NCKAP5: variants seen among roughly 807,000 people sequenced by gnomAD.
NCKAP5 encodes the protein nck-associated protein 5.
In NCKAP5, 92 loss-of-function variants were observed where a neutral mutation model predicts 167.0. The observed-to-expected ratio is 0.55, with a 90% CI of 0.47 to 0.66. The LOEUF (loss-of-function observed/expected upper bound fraction) is 0.66, where lower values mean the gene tolerates loss of function less well. Among genes scored for constraint, NCKAP5 ranks in the 30% least tolerant of loss-of-function variants. NCKAP5 has a pLI of 0.00. For missense variants in NCKAP5, 2,378 were observed against 2,315.0 expected, an observed-to-expected ratio of 1.03 and a Z score of -0.56; for synonymous variants, 891 against 877.4, an observed-to-expected ratio of 1.02 and a Z score of -0.27.
At chr2:133,225,843 C>T (rs572202051) in intron 4 of NCKAP5, among the ~76,000 whole-genome samples, 5 of 127,808 alleles carry the variant, frequency 3.9e-5, no homozygotes, top group African/African-American at 8.9e-5. Flanking sequence ...AGTTCAGTGG[C>T]GCGATCTCGG....
intron 6 of NCKAP5, among the ~76,000 whole-genome samples, chr2:133,077,111 T>C (rs6753455): frequency 0.038 from 5,740 of 152,032 alleles, 203 homozygotes; most frequent in African/African-American, 0.094. Context: ...GAATTCAACA[T>C]GAAAAAAAAT....
chr2:133,333,440 T>C (rs544282999), intron 3 of NCKAP5, among the ~76,000 whole-genome samples: 8 of 152,314 alleles, frequency 5.3e-5, no homozygotes, highest in Admixed American at 2.6e-4. Flanking sequence ...TAATGCTCTC[T>C]GCTTTCTTCC....
Position 132,907,156 on chromosome 2 carries a change from ATATT to A in NCKAP5, c.580-28244_580-28241del, listed in dbSNP as rs369465456. Among the ~76,000 whole-genome samples the A allele has an allele frequency of 9.8e-5, 15 of 152,366 alleles. No individual in the cohort carries two copies. The East Asian group carries it at 2.9e-3, about 29-fold the overall frequency. ...CTTTTAACTTATGAATAGTGACAAA[ATATT>A]TAGAACAACATAAGGAAATACAAAT... On this transcript the variant is annotated intron_variant, in intron 8 of 19. Coordinates refer to ENST00000409261, the MANE Select transcript of NCKAP5 (RefSeq NM_207363.3).
Position 133,517,873 on chromosome 2 carries a change from C to T in NCKAP5, c.-61-286G>A, listed in dbSNP as rs139883870. 1.3e-5 allele frequency among the ~76,000 whole-genome samples: 2 copies of T among 152,226 alleles called. 1 individual carries two copies. Among genetic ancestry groups the T allele is most frequent in the East Asian group, 3.9e-4 (2 of 5,172 alleles). On this transcript the variant is annotated intron_variant, in intron 2 of 19. Transcript: ENST00000409261. ...AAAAAGCAAACAGTCCGTTTCATGC[C>T]ACACTTGCTCCACACCCGTCCTCTC...
the NCKAP5 span, among the ~76,000 whole-genome samples, chr2:133,574,859 C>A: frequency 2.0e-5 from 3 of 152,082 alleles, no homozygotes; most frequent in Non-Finnish European, 2.9e-5. Flanking sequence ...GTAGGGGCAG[C>A]CAGAGGAAAG....
chr2:133,273,240 G>T (rs1193674235), intron 4 of NCKAP5, among the ~76,000 whole-genome samples: 1 of 152,146 alleles, frequency 6.6e-6, no homozygotes, highest in Non-Finnish European at 1.5e-5. Context: ...CATGCTAGAG[G>T]ATATAAAGTG....
chr2:133,540,956 GA>G (rs963923129), intron 2 of NCKAP5, among the ~76,000 whole-genome samples: 3 of 137,692 alleles, frequency 2.2e-5, no homozygotes, highest in Non-Finnish European at 3.2e-5. Context: ...AAAAAAGAAA[GA>G]AAAAAAATCA....
At chr2:133,394,828 T>A (rs1282975623) in intron 3 of NCKAP5, among the ~76,000 whole-genome samples, 1 of 152,186 alleles carries the variant, frequency 6.6e-6, no homozygotes, top group Non-Finnish European at 1.5e-5. Context: ...CAGGAAGATA[T>A]AATCAAAACT....
chr2:132,880,066 G>A (rs1402582272), intron 8 of NCKAP5, among the ~76,000 whole-genome samples: 4 of 152,294 alleles, frequency 2.6e-5, no homozygotes, highest in Admixed American at 6.5e-5. Flanking sequence ...AATATTGCAT[G>A]TTCTCACTCA....
intron 5 of NCKAP5, among the ~76,000 whole-genome samples, chr2:133,193,070 AAG>A (rs1376108823): frequency 2.6e-5 from 4 of 152,126 alleles, no homozygotes; most frequent in African/African-American, 9.7e-5. Flanking sequence ...GGTGATTAAA[AAG>A]AGAAACAATG....
intron 5 of NCKAP5, among the ~76,000 whole-genome samples, chr2:133,193,350 T>C (rs979767518): frequency 2.6e-5 from 4 of 152,060 alleles, no homozygotes; most frequent in Non-Finnish European, 5.9e-5. Flanking sequence ...TGTCAACTGA[T>C]ACCATGATTT....
At chr2:133,582,330 A>T in the NCKAP5 span, among the ~76,000 whole-genome samples, 1 of 152,166 alleles carries the variant, frequency 6.6e-6, no homozygotes, top group Non-Finnish European at 1.5e-5. Context: ...ATGGATGCTA[A>T]AGGCTGAAAA....
chr2:133,048,219 C>A (rs1210808299), intron 6 of NCKAP5, among the ~76,000 whole-genome samples: 1 of 152,144 alleles, frequency 6.6e-6, no homozygotes. Context: ...GGGAACCTGG[C>A]ACATAAAATT....
intron 5 of NCKAP5, among the ~76,000 whole-genome samples, chr2:133,179,855 G>A (rs542421199): frequency 6.6e-6 from 1 of 152,134 alleles, no homozygotes; most frequent in South Asian, 2.1e-4. Context: ...GTGTAGGAAT[G>A]AAACAGAGGG....
chr2:133,649,107 C>T, the NCKAP5 span, among the ~76,000 whole-genome samples: 1 of 151,566 alleles, frequency 6.6e-6, no homozygotes, highest in African/African-American at 2.4e-5. Flanking sequence ...CGACTATGAA[C>T]AACTATATGC....
chr2:132,799,073 A>G (rs1426688139), intron 11 of NCKAP5, among the ~76,000 whole-genome samples: 1 of 152,196 alleles, frequency 6.6e-6, no homozygotes, highest in Non-Finnish European at 1.5e-5. Context: ...GCCATAAAAA[A>G]GAATGAAATC....
At chr2:133,538,963 C>T (rs554964203) in intron 2 of NCKAP5, among the ~76,000 whole-genome samples, 15 of 95,864 alleles carry the variant, frequency 1.6e-4, no homozygotes, top group African/African-American at 4.8e-4. Context: ...TTTTTTGAGA[C>T]GGAGTCTCAC....
At chr2:133,137,514 A>C (rs945855896) in intron 5 of NCKAP5, among the ~76,000 whole-genome samples, 1 of 151,362 alleles carries the variant, frequency 6.6e-6, no homozygotes, top group Non-Finnish European at 1.5e-5. Context: ...GGTGGGGTAG[A>C]GGGTAGAAAT....
chr2:133,594,652 T>C, the NCKAP5 span, among the ~76,000 whole-genome samples: 1 of 152,204 alleles, frequency 6.6e-6, no homozygotes. Flanking sequence ...TGCTTTCTCA[T>C]CTACAAAAGG....
Sources: allele counts gnomAD v4.1 joint callset (sites outside exome capture counted in the v4.1 genomes callset), GRCh38; gene constraint gnomAD v4.1.1; transcripts MANE v1.5; gene names NCBI Gene and HGNC (gene_info 2026-07-23, HGNC 2026-07-21).